Variants in USP18 observed in about 807,000 individuals in gnomAD.
USP18 encodes ubiquitin specific peptidase 18, also known as ubl carboxyl-terminal hydrolase 18.
USP18 carries 11 observed loss-of-function variants against 48.7 expected under a neutral mutation model. The ratio of observed to expected loss-of-function variants is 0.23; its 90% CI spans 0.14 to 0.37. USP18 has a LOEUF of 0.37. USP18 is among the 10% of genes least tolerant of loss of function. The pLI, the probability that USP18 is intolerant of heterozygous loss-of-function variation, is 1.00. For synonymous variants in USP18, 114 were observed against 163.2 expected (o/e 0.70, Z 2.30); for missense variants, 285 against 436.4 (o/e 0.65, Z 3.09).
chr22:18,169,466 C>T (rs1307633547), intron 6 of USP18, among the ~76,000 whole-genome samples: 8 of 152,212 alleles, frequency 5.3e-5, no homozygotes, highest in African/African-American at 1.7e-4. Flanking sequence ...GTCCCAGCTA[C>T]TTAGGAGGCT....
At position 18,157,627 on chromosome 22, in the gene USP18, A is replaced by T. The variant is rs1929197951; in HGVS notation, c.-37A>T. On this transcript the variant is annotated 5_prime_UTR_variant, in exon 2 of 11. Transcript: ENST00000215794. Reference sequence around the variant, plus strand: ...AGTCGTGCTGTCCTGAACGCGGGCCAGGCAGCTGCGGCCTGGGGGTTTTGG... The same window carrying T: ...AGTCGTGCTGTCCTGAACGCGGGCCTGGCAGCTGCGGCCTGGGGGTTTTGG... 3 of 1,613,256 alleles carry T rather than the reference A, an allele frequency of 1.9e-6. No homozygotes were observed. Among genetic ancestry groups the T allele is most frequent in the Non-Finnish European group, 1.7e-6 (2 of 1,179,360 alleles).
intron 10 of USP18, among the ~76,000 whole-genome samples, chr22:18,176,274 T>C: frequency 1.8e-5 from 1 of 55,150 alleles, no homozygotes. Context: ...AGGGCAAGAC[T>C]CCATTAAAAA....
At chr22:18,174,962 G>A (rs1224212949) in intron 10 of USP18, among the ~76,000 whole-genome samples, 2 of 152,134 alleles carry the variant, frequency 1.3e-5, no homozygotes, top group African/African-American at 4.8e-5. Context: ...CACCCAGGCT[G>A]GAGTGCAGTA....
chr22:18,157,170 T>TC (rs1929181222), intron 1 of USP18, among the ~76,000 whole-genome samples: 2 of 152,348 alleles, frequency 1.3e-5, no homozygotes, highest in Non-Finnish European at 1.5e-5. Flanking sequence ...GGGCCGCAGG[T>TC]CCCCTTGGGT....
chr22:18,169,081 G>A (rs1317064955), intron 6 of USP18, among the ~76,000 whole-genome samples: 3 of 152,132 alleles, frequency 2.0e-5, no homozygotes, highest in Non-Finnish European at 4.4e-5. Context: ...TGCAAAGTGT[G>A]GGGAGGCTGT....
At chr22:18,169,104 T>C (rs759187204) in intron 6 of USP18, among the ~76,000 whole-genome samples, 1 of 147,260 alleles carries the variant, frequency 6.8e-6, no homozygotes, top group Non-Finnish European at 1.5e-5. Flanking sequence ...CTGATACAGT[T>C]TGGGACTGTG....
chr22:18,173,866 G>C (rs2123743580), intron 10 of USP18, 24 bp downstream of exon 10: 1 of 1,577,490 alleles, frequency 6.3e-7, no homozygotes, highest in Non-Finnish European at 8.7e-7. Flanking sequence ...TTGGGTAATT[G>C]GAGTCTGATG....
intron 4 of USP18, among the ~76,000 whole-genome samples, chr22:18,163,670 A>AG (rs1929392405): frequency 6.6e-6 from 1 of 151,870 alleles, no homozygotes; most frequent in Non-Finnish European, 1.5e-5. Context: ...AAAAGAAAAA[A>AG]GAAAAAAAGA....
In USP18 at chr22:18,157,614, C is replaced by T; in HGVS notation, c.-50C>T. On this transcript the variant is annotated 5_prime_UTR_variant, in exon 2 of 11. Transcript: ENST00000215794. Reference sequence around the variant, plus strand: ...TTCCTGGAAGTGAAGTCGTGCTGTCCTGAACGCGGGCCAGGCAGCTGCGGC... The same window carrying T: ...TTCCTGGAAGTGAAGTCGTGCTGTCTTGAACGCGGGCCAGGCAGCTGCGGC... The T allele has an allele frequency of 1.2e-6, 2 of 1,612,052 alleles. No individual in the cohort carries two copies. The highest frequency in any genetic ancestry group is 1.1e-5 in the South Asian group (1 of 90,906).
intron 2 of USP18, among the ~76,000 whole-genome samples, chr22:18,158,662 C>G (rs983090342): frequency 6.6e-6 from 1 of 152,176 alleles, no homozygotes; most frequent in Non-Finnish European, 1.5e-5. Context: ...CAAATGTTAT[C>G]TTTTGTTTTT....
At position 18,167,920 on chromosome 22, in the gene USP18, C is replaced by G; in HGVS notation, c.511C>G (p.Arg171Gly). The change falls in exon 6 of 11, where the codon CGG (arginine) becomes GGG (glycine). Residue 171 changes from arginine (R) to glycine (G), a missense_variant. Transcript: ENST00000215794. ...GAGACTGCAGGCCCTGTATACGATC[C>G]GGGTGAAGGACTCCTTGATTTGCGT... ...VERLQALYTI[R>G]VKDSLICVDC... 1.2e-6 allele frequency: 2 copies of G among 1,613,922 alleles called. No individual in the cohort carries two copies. Among genetic ancestry groups the G allele is most frequent in the Middle Eastern group, 1.7e-4 (1 of 6,060 alleles).
chr22:18,165,883 G>A (rs1342109874), intron 4 of USP18, among the ~76,000 whole-genome samples: 3 of 151,046 alleles, frequency 2.0e-5, no homozygotes, highest in South Asian at 2.1e-4. Context: ...GTAGAAAACC[G>A]CCATTGCTCA....
At chr22:18,153,315 A>C (rs362131) in intron 1 of USP18, among the ~76,000 whole-genome samples, 1 of 151,814 alleles carries the variant, frequency 6.6e-6, no homozygotes, top group South Asian at 2.1e-4. Context: ...TGTAGTTCCA[A>C]CTATTTGGGA....
chr22:18,161,710 A>C, intron 3 of USP18, 80 bp from the exon 4 acceptor site: 1 of 1,345,020 alleles, frequency 7.4e-7, no homozygotes, highest in Non-Finnish European at 9.7e-7. Flanking sequence ...AAGATTTAAA[A>C]TTTCTCCCAG....
intron 4 of USP18, among the ~76,000 whole-genome samples, chr22:18,165,641 T>C (rs1401711562): frequency 4.6e-5 from 7 of 152,034 alleles, no homozygotes; most frequent in Non-Finnish European, 7.4e-5. Context: ...GGAGGTTTGA[T>C]TGAGAACGGG....
intron 4 of USP18, among the ~76,000 whole-genome samples, chr22:18,166,393 C>T (rs529082624): frequency 4.6e-5 from 7 of 152,076 alleles, no homozygotes; most frequent in East Asian, 1.9e-4. Flanking sequence ...CATATTATAA[C>T]GGCTAAAGTC....
In USP18 at chr22:18,173,236, T is replaced by C; in HGVS notation, c.978T>C (p.Ala326=). 1.0e-5 allele frequency: 16 copies of C among 1,606,626 alleles called. No homozygotes were observed. Among genetic ancestry groups the C allele is most frequent in the Non-Finnish European group, 1.3e-5 (15 of 1,175,400 alleles). The change falls in exon 9 of 11, where the codon GCT becomes GCC. Residue 326 remains alanine, a synonymous_variant. Transcript: ENST00000215794. ...ATTACTGTGTCTACATCCGGAATGC[T>C]GTGGATGGAAAATGGTTCTGCTTCA... ...SGHYCVYIRN[A]VDGKWFCFND...
At chr22:18,172,032 A>G (rs1039355385) in intron 8 of USP18, among the ~76,000 whole-genome samples, 14 of 152,080 alleles carry the variant, frequency 9.2e-5, no homozygotes, top group African/African-American at 2.6e-4. Context: ...GCTCTTTGGG[A>G]GGCCAAGAGG....
chr22:18,171,440 A>G (rs1284092845), intron 8 of USP18, among the ~76,000 whole-genome samples: 1 of 144,268 alleles, frequency 6.9e-6, no homozygotes, highest in Non-Finnish European at 1.5e-5. Context: ...GACCAGCTTC[A>G]GCAACATAAT....
Sources: allele counts gnomAD v4.1 joint callset (sites outside exome capture counted in the v4.1 genomes callset), GRCh38; gene constraint gnomAD v4.1.1; transcripts MANE v1.5; gene names NCBI Gene and HGNC (gene_info 2026-07-23, HGNC 2026-07-21).